Variants in EPC1 observed in about 807,000 individuals in gnomAD.
The protein encoded by EPC1 is enhancer of polycomb homolog 1.
Under a neutral mutation model 98.4 loss-of-function variants are expected in EPC1, and 12 were observed. The observed-to-expected ratio is 0.12, with a 90% confidence interval of 0.08 to 0.20. EPC1 has a LOEUF of 0.20. Ranked by LOEUF, EPC1 falls within the 10% of genes least tolerant of loss-of-function variation. EPC1 has a pLI of 1.00. For synonymous variants in EPC1, 357 were observed against 363.9 expected, an observed-to-expected ratio of 0.98 and a Z score of 0.21; for missense variants, 729 against 990.5, an observed-to-expected ratio of 0.74 and a Z score of 3.54.
intron 1 of EPC1, among the ~76,000 whole-genome samples, chr10:32,323,928 A>G (rs1837095755): frequency 6.6e-6 from 1 of 152,070 alleles, no homozygotes; most frequent in South Asian, 2.1e-4. Flanking sequence ...GTTATTAGAA[A>G]TAGTTTATTT....
chr10:32,338,721 C>T (rs1267310770), intron 1 of EPC1, among the ~76,000 whole-genome samples: 2 of 152,084 alleles, frequency 1.3e-5, no homozygotes, highest in Non-Finnish European at 2.9e-5. Context: ...TGTTTCCTAA[C>T]CACCTACCCA....
chr10:32,336,605 G>C (rs1837991400), intron 1 of EPC1, among the ~76,000 whole-genome samples: 1 of 152,072 alleles, frequency 6.6e-6, no homozygotes, highest in South Asian at 2.1e-4. Flanking sequence ...CATCTCTGAA[G>C]GTTCTCCCTC....
chr10:32,368,722 T>G (rs898499089), intron 1 of EPC1, among the ~76,000 whole-genome samples: 3 of 152,180 alleles, frequency 2.0e-5, no homozygotes, highest in African/African-American at 7.2e-5. Flanking sequence ...TCCATACACC[T>G]GAATGCGGTA....
At chr10:32,357,614 A>G (rs1273768573) in intron 1 of EPC1, among the ~76,000 whole-genome samples, 1 of 151,530 alleles carries the variant, frequency 6.6e-6, no homozygotes, top group Non-Finnish European at 1.5e-5. Flanking sequence ...GCGTGCCACC[A>G]TGTCTGGATA....
At position 32,338,971 on chromosome 10, in the gene EPC1, A is replaced by T. The variant is rs117019086; in HGVS notation, c.153+7792T>A. ...TAAATAAATAAATAAATAAAATAAT[A>T]AAAATAATAATAAATTCTGGCTCTA... is the stretch of plus-strand genomic sequence containing the variant. On this transcript the variant is annotated intron_variant, in intron 1 of 13. Coordinates refer to ENST00000319778, the MANE Select transcript of EPC1 (RefSeq NM_001272004.3). Among the ~76,000 whole-genome samples the T allele has an allele frequency of 2.7e-3, 414 of 151,366 alleles. 5 individuals are homozygous for T. Among genetic ancestry groups the T allele is most frequent in the Middle Eastern group, 0.014 (4 of 294 alleles).
chr10:32,278,930 A>G (rs1487051002), intron 10 of EPC1, among the ~76,000 whole-genome samples: 1 of 152,228 alleles, frequency 6.6e-6, no homozygotes, highest in Non-Finnish European at 1.5e-5. Context: ...TTGCAGTCAA[A>G]TATTCCTCTT....
In EPC1 at chr10:32,269,146, A is replaced by G. The variant is rs1835713793; in HGVS notation, c.2370-11T>C. On this transcript the variant is annotated splice_polypyrimidine_tract_variant and intron_variant, in intron 13 of 13. Coordinates refer to ENST00000319778, the MANE Select transcript of EPC1 (RefSeq NM_001272004.3). ...GATTCATGATTTTCCCTGTTGAAAT[A>G]AAGTTCAATCAATTACTTATCTACA... The G allele has an allele frequency of 1.9e-6, 3 of 1,610,700 alleles. No homozygotes were observed. The highest frequency in any genetic ancestry group is 2.5e-6 in the Non-Finnish European group (3 of 1,177,320).
rs1564529198 is a variant in EPC1 at position 32,293,123 on chromosome 10, A to G, written c.531T>C (p.Tyr177=). The change falls in exon 4 of 14, where the codon TAT becomes TAC. Residue 177 remains tyrosine (Y), a synonymous_variant. Coordinates refer to ENST00000319778, the MANE Select transcript of EPC1 (RefSeq NM_001272004.3). ...DDELIREVYE[Y]WIKKRKNCRG... ...GACAGTTTTTTCTCTTTTTAATCCAATATTCATAAACTTCTCTAATTAGTT... is the reference window on the plus strand; with the variant it reads ...GACAGTTTTTTCTCTTTTTAATCCAGTATTCATAAACTTCTCTAATTAGTT... 3.1e-6 allele frequency: 5 copies of G among 1,613,482 alleles called. No homozygotes were observed. Among genetic ancestry groups the G allele is most frequent in the Non-Finnish European group, 4.2e-6 (5 of 1,179,632 alleles).
intron 1 of EPC1, among the ~76,000 whole-genome samples, chr10:32,377,801 G>A (rs1839899678): frequency 6.6e-6 from 1 of 151,276 alleles, no homozygotes; most frequent in African/African-American, 2.4e-5. Flanking sequence ...CTCCCACCGT[G>A]TGCAAAAAGA....
chr10:32,369,711 A>T (rs1204240930), intron 1 of EPC1, among the ~76,000 whole-genome samples: 1 of 152,222 alleles, frequency 6.6e-6, no homozygotes, highest in Non-Finnish European at 1.5e-5. Flanking sequence ...ATGGAGTAAG[A>T]GGTCAGCCTA....
intron 1 of EPC1, among the ~76,000 whole-genome samples, chr10:32,370,064 A>T (rs1302300358): frequency 6.6e-6 from 1 of 152,174 alleles, no homozygotes; most frequent in Admixed American, 6.5e-5. Flanking sequence ...TAAGCTAAAA[A>T]CTTTTTATAT....
intron 1 of EPC1, among the ~76,000 whole-genome samples, chr10:32,367,094 C>G (rs529032159): frequency 6.6e-6 from 1 of 152,316 alleles, no homozygotes; most frequent in African/African-American, 2.4e-5. Context: ...CTGCTGGGTT[C>G]AAGCGATTCT....
At chr10:32,334,583 T>C (rs1402423260) in intron 1 of EPC1, among the ~76,000 whole-genome samples, 1 of 152,264 alleles carries the variant, frequency 6.6e-6, no homozygotes, top group East Asian at 1.9e-4. Flanking sequence ...ACAAAAAAAG[T>C]ACAACATCCT....
chr10:32,377,310 A>T (rs1489114122), intron 1 of EPC1: 2 of 152,254 alleles, frequency 1.3e-5, no homozygotes, highest in Non-Finnish European at 2.9e-5. Context: ...TTATTTAAGA[A>T]ATCCCTAGGT....
intron 1 of EPC1, among the ~76,000 whole-genome samples, chr10:32,325,056 T>C (rs1463007183): frequency 1.3e-5 from 2 of 152,196 alleles, no homozygotes; most frequent in East Asian, 3.8e-4. Flanking sequence ...AATTTTTAGC[T>C]GCAGACTGTC....
At chr10:32,299,394 C>T (rs1227857609) in intron 2 of EPC1, among the ~76,000 whole-genome samples, 3 of 152,058 alleles carry the variant, frequency 2.0e-5, no homozygotes, top group Non-Finnish European at 2.9e-5. Context: ...CCATGTTGGC[C>T]GGGCTGGTCT....
chr10:32,311,721 T>C (rs1010871142), intron 1 of EPC1, among the ~76,000 whole-genome samples: 1 of 152,182 alleles, frequency 6.6e-6, no homozygotes, highest in Non-Finnish European at 1.5e-5. Context: ...TACATACCTA[T>C]GATAAAGCTT....
At chr10:32,283,673 T>C (rs190396837) in intron 10 of EPC1, 3 of 152,330 alleles carry the variant, frequency 2.0e-5, no homozygotes, top group African/African-American at 7.2e-5. Flanking sequence ...ACAGAATACA[T>C]ATAACATACA....
intron 1 of EPC1, chr10:32,378,383 T>C (rs1839913350): frequency 1.1e-6 from 1 of 900,876 alleles, no homozygotes; most frequent in African/African-American, 1.7e-5. Flanking sequence ...AGATCAAAGC[T>C]AAAGAAAAAT....
Sources: gnomAD v4.1 joint callset for allele counts (sites outside exome capture counted in the v4.1 genomes callset) on GRCh38, gnomAD v4.1.1 for gene constraint, MANE v1.5 for transcripts, NCBI Gene and HGNC (gene_info 2026-07-23, HGNC 2026-07-21) for gene names.